Variants in ACAT1 observed in about 807,000 individuals in gnomAD.
ACAT1 encodes the protein acetyl-CoA acetyltransferase, mitochondrial.
Under a neutral mutation model 47.3 loss-of-function variants are expected in ACAT1, and 28 were observed. The ratio of observed to expected loss-of-function variants is 0.59; its 90% CI spans 0.44 to 0.81. The LOEUF is 0.81. ACAT1 is among the 30% of genes least tolerant of loss of function. The pLI is 0.00. For synonymous variants in ACAT1, 181 were observed against 173.6 expected (o/e 1.04, Z -0.34); for missense variants, 469 against 524.3 (o/e 0.89, Z 1.03).
At chr11:108,140,331 A>C in intron 7 of ACAT1, 116 bp downstream of exon 7, 2 of 1,265,594 alleles carry the variant, frequency 1.6e-6, no homozygotes, top group Admixed American at 1.8e-5. Flanking sequence ...TGGTTAATAA[A>C]AAGTGAAGAG....
chr11:108,141,816 T>C, intron 8 of ACAT1, 116 bp downstream of exon 8: 1 of 729,756 alleles, frequency 1.4e-6, no homozygotes, highest in Non-Finnish European at 2.4e-6. Context: ...TTATTTAACA[T>C]TTTCAGTATA....
At chr11:108,140,288 T>C in intron 7 of ACAT1, 73 bp downstream of exon 7, 4 of 1,562,622 alleles carry the variant, frequency 2.6e-6, no homozygotes, top group East Asian at 2.2e-5. Context: ...AGTTTTAAAT[T>C]AGGACATTAT....
At chr11:108,126,121 A>T (rs950008900) in intron 1 of ACAT1, among the ~76,000 whole-genome samples, 1 of 151,594 alleles carries the variant, frequency 6.6e-6, no homozygotes. Context: ...TCCCACCTCA[A>T]CCTCCCAAGT....
upstream of ACAT1, among the ~76,000 whole-genome samples, chr11:108,117,363 A>G (rs1864972649): frequency 6.6e-6 from 1 of 150,386 alleles, no homozygotes; most frequent in Admixed American, 6.6e-5. Context: ...GCTGGAGTAC[A>G]GTGGCACGAT....
intron 11 of ACAT1, 44 bp from the exon 12 acceptor site, chr11:108,147,226 A>T (rs1361874327): frequency 6.2e-7 from 1 of 1,609,514 alleles, no homozygotes; most frequent in Non-Finnish European, 8.5e-7. Flanking sequence ...GTTAGTCATA[A>T]ATTCTGTACT....
At position 108,138,329 on chromosome 11, in the gene ACAT1, A is replaced by G. The variant is rs1037185648; in HGVS notation, c.436-569A>G. ...TAATGTCTGGTTGTGAACTTTTGAG[A>G]CAGAGCCTTGCTGTCACCCAGGCTG... On this transcript the variant is annotated intron_variant, in intron 5 of 11. Coordinates refer to ENST00000265838, the MANE Select transcript of ACAT1 (RefSeq NM_000019.4). Among the ~76,000 whole-genome samples the G allele has an allele frequency of 3.3e-5, 5 of 150,492 alleles. No individual in the cohort carries two copies. In the East Asian group the frequency reaches 9.9e-4, roughly 30 times the overall value.
chr11:108,131,938 C>A lies in ACAT1; in HGVS notation c.104C>A (p.Ser35Ter). Residue 35 changes from serine to a stop codon, truncating the protein, a stop_gained, in exon 2 of 12, where the codon TCA becomes TAA. Coordinates refer to ENST00000265838, the MANE Select transcript of ACAT1 (RefSeq NM_000019.4). LOFTEE classifies it high-confidence loss of function. ...AGATATGTGGAACGGAGTTATGTAT[C>A]AAAACCCACTTTGAAGGTAAGTAAT... is the stretch of plus-strand genomic sequence containing the variant. ...EIRYVERSYVSKPTLKEVVIV... is the reference protein window; with the variant it reads ...EIRYVERSYV 6.7e-7 allele frequency: 1 copy of A among 1,500,570 alleles called. No individual in the cohort carries two copies. The highest frequency in any genetic ancestry group is 1.2e-5 in the South Asian group (1 of 86,640). The allele number at this position is 1,500,570 out of a possible 1,614,324, so 93.0% of individuals were successfully genotyped here.
intron 5 of ACAT1, chr11:108,137,082 G>C (rs1480092448): frequency 6.6e-6 from 1 of 152,130 alleles, no homozygotes; most frequent in Non-Finnish European, 1.5e-5. Context: ...AGTCTAGTGG[G>C]AAGACTTGAC....
intron 7 of ACAT1, 108 bp from the exon 8 acceptor site, chr11:108,141,497 A>G (rs1426859023): frequency 1.3e-6 from 1 of 754,644 alleles, no homozygotes; most frequent in Admixed American, 2.0e-5. Flanking sequence ...GGTTTAAGTG[A>G]AGCAGGGATA....
chr11:108,120,400 GGGAAGCAGAGACAGGA>G (rs1390963960), upstream of ACAT1, among the ~76,000 whole-genome samples: 1 of 152,008 alleles, frequency 6.6e-6, no homozygotes, highest in Non-Finnish European at 1.5e-5. Context: ...GTAGCTACTT[GGGAAGCAGAGACAGGA>G]GGATCCCCTA....
intron 10 of ACAT1, among the ~76,000 whole-genome samples, chr11:108,145,300 T>A (rs761810139): frequency 1.3e-5 from 2 of 152,136 alleles, no homozygotes; most frequent in Non-Finnish European, 2.9e-5. Flanking sequence ...AACCCTACAG[T>A]AACATTTATA....
At chr11:108,140,794 T>C (rs747560266) in intron 7 of ACAT1, among the ~76,000 whole-genome samples, 12 of 152,330 alleles carry the variant, frequency 7.9e-5, no homozygotes, top group Non-Finnish European at 1.8e-4. Flanking sequence ...ATTCCAGGAA[T>C]GATTACTGTG....
At chr11:108,139,633 A>AAT (rs1225532193) in intron 6 of ACAT1, among the ~76,000 whole-genome samples, 4 of 151,994 alleles carry the variant, frequency 2.6e-5, no homozygotes, top group Admixed American at 6.6e-5. Context: ...TATAGAAAGA[A>AAT]ATATATATGT....
upstream of ACAT1, chr11:108,121,260 G>C (rs780447334): frequency 2.3e-6 from 1 of 429,976 alleles, no homozygotes; most frequent in Non-Finnish European, 4.3e-6. Flanking sequence ...AGGCCTAAGG[G>C]AAACATGCTC....
At chr11:108,144,643 A>G (rs920745447) in intron 10 of ACAT1, among the ~76,000 whole-genome samples, 3 of 152,052 alleles carry the variant, frequency 2.0e-5, no homozygotes, top group Non-Finnish European at 4.4e-5. Flanking sequence ...AAGCACCCAG[A>G]TAAAAAAAAT....
At chr11:108,142,781 G>A (rs1021556338) in intron 9 of ACAT1, 2 of 507,012 alleles carry the variant, frequency 3.9e-6, no homozygotes, top group African/African-American at 3.9e-5. Flanking sequence ...AGGTTGCAGT[G>A]AACTGAGATT....
chr11:108,135,392 T>A (rs1688055304), intron 5 of ACAT1, 150 bp downstream of exon 5: 1 of 682,574 alleles, frequency 1.5e-6, no homozygotes, highest in African/African-American at 1.8e-5. Context: ...CTGGATTTGC[T>A]AAGTCCATTT....
At chr11:108,121,546 G>A (rs993984730), upstream of ACAT1, 9 of 1,518,380 alleles carry the variant, frequency 5.9e-6, no homozygotes, top group African/African-American at 1.4e-5. Flanking sequence ...CTAGGGGTGC[G>A]GGGTTGGGGA....
intron 11 of ACAT1, among the ~76,000 whole-genome samples, 192 bp downstream of exon 11, chr11:108,146,551 A>G (rs1159914878): frequency 7.0e-6 from 1 of 142,436 alleles, no homozygotes; most frequent in Non-Finnish European, 1.5e-5. Flanking sequence ...TTGAAACCTA[A>G]TAATGTTTTA....
Sources: allele counts gnomAD v4.1 joint callset (sites outside exome capture counted in the v4.1 genomes callset), GRCh38; gene constraint gnomAD v4.1.1; transcripts MANE v1.5; gene names NCBI Gene and HGNC (gene_info 2026-07-23, HGNC 2026-07-21).